SNAPC3: variants seen among roughly 807,000 people sequenced by gnomAD.
The protein encoded by SNAPC3 is small nuclear RNA activating complex polypeptide 3, also known as snRNA-activating protein complex subunit 3.
A neutral mutation model predicts 47.7 loss-of-function variants in SNAPC3; 56 were observed. That is an observed-to-expected ratio of 1.18 (90% CI 0.95 to 1.47). SNAPC3 has a LOEUF of 1.47. Ranked by LOEUF, SNAPC3 falls within the 40% of genes most tolerant of loss-of-function variation. The pLI is 0.00. For synonymous variants in SNAPC3, 235 were observed against 189.9 expected (o/e 1.24, Z -1.95); for missense variants, 665 against 511.3 (o/e 1.30, Z -2.90).
chr9:15,438,798 A>G (rs776362859), intron 3 of SNAPC3, among the ~76,000 whole-genome samples: 1 of 152,108 alleles, frequency 6.6e-6, no homozygotes, highest in Non-Finnish European at 1.5e-5. Flanking sequence ...GTTCACATGC[A>G]CTTGAGAAGA....
At position 15,423,205 on chromosome 9, in the gene SNAPC3, G is replaced by GT. The variant is rs2030812723; in HGVS notation, c.314+12_314+13insT. 1 of 1,570,770 alleles carries GT rather than the reference G, an allele frequency of 6.4e-7. No individual in the cohort carries two copies. Among genetic ancestry groups the GT allele is most frequent in the African/African-American group, 1.4e-5 (1 of 72,806 alleles). ...AGGGCGGTGTGCGGGTGAGTGCGGA[G>GT]CAAAGGGGCTCTTGCAGCTTGGGGT... On this transcript the variant is annotated intron_variant, in intron 1 of 8. Transcript: ENST00000380821.
At chr9:15,441,597 C>G (rs539492474) in intron 3 of SNAPC3, among the ~76,000 whole-genome samples, 3 of 151,634 alleles carry the variant, frequency 2.0e-5, no homozygotes, top group Non-Finnish European at 2.9e-5. Flanking sequence ...GGTGATGACT[C>G]TTAAGGAGCA....
At chr9:15,447,400 C>G (rs2034027273) in intron 5 of SNAPC3, among the ~76,000 whole-genome samples, 156 bp downstream of exon 5, 1 of 152,200 alleles carries the variant, frequency 6.6e-6, no homozygotes, top group Non-Finnish European at 1.5e-5. Context: ...ATCACCGGAA[C>G]TTTTCCAAAG....
rs561644872 is a variant in SNAPC3 at position 15,437,175 on chromosome 9, G to A, written c.477+3539G>A. Reference sequence around the variant, plus strand: ...TGTATACAACCCTTTCACTTCCTTGGTTAAATTTATCCCTAAATATTTTAT... The same window carrying A: ...TGTATACAACCCTTTCACTTCCTTGATTAAATTTATCCCTAAATATTTTAT... On this transcript the variant is annotated intron_variant, in intron 3 of 8. Transcript: ENST00000380821. 2.0e-5 allele frequency among the ~76,000 whole-genome samples: 3 copies of A among 151,304 alleles called. No individual in the cohort carries two copies. The South Asian group carries it at 6.3e-4, about 32-fold the overall frequency.
At chr9:15,439,310 G>A (rs1363905487) in intron 3 of SNAPC3, among the ~76,000 whole-genome samples, 1 of 152,138 alleles carries the variant, frequency 6.6e-6, no homozygotes, top group East Asian at 1.9e-4. Context: ...CTTTATATAA[G>A]TTTATAATTG....
Position 15,461,025 on chromosome 9 carries a change from A to G in SNAPC3, c.*1159A>G, listed in dbSNP as rs1236585377. The G allele has an allele frequency of 6.6e-6, 1 of 152,094 alleles. No individual in the cohort carries two copies. The highest frequency in any genetic ancestry group is 1.5e-5 in the Non-Finnish European group (1 of 68,002). 9.4% of individuals were successfully genotyped at this position (152,094 alleles called of 1,614,324 possible). A position where few individuals can be genotyped will look rare whatever the true frequency, so the allele number is the denominator to read the frequency against. Reference sequence around the variant, plus strand: ...TTCTCCGGTAATGATACTATTGGATATATACCAAAATTATATAAGCAAAAA... The same window carrying G: ...TTCTCCGGTAATGATACTATTGGATGTATACCAAAATTATATAAGCAAAAA... On this transcript the variant is annotated 3_prime_UTR_variant, in exon 9 of 9. Transcript: ENST00000380821.
At chr9:15,432,559 G>C (rs2131785016) in intron 2 of SNAPC3, among the ~76,000 whole-genome samples, 1 of 152,166 alleles carries the variant, frequency 6.6e-6, no homozygotes, top group African/African-American at 2.4e-5. Context: ...AAAAGGAGAG[G>C]ACTTGCTGAA....
At chr9:15,441,761 A>G (rs1216915449) in intron 3 of SNAPC3, among the ~76,000 whole-genome samples, 1 of 152,208 alleles carries the variant, frequency 6.6e-6, no homozygotes, top group Non-Finnish European at 1.5e-5. Context: ...TTTTCTTAGT[A>G]CAGAACAAAA....
At chr9:15,435,844 CTTTTTT>C (rs57744583) in intron 3 of SNAPC3, among the ~76,000 whole-genome samples, 9 of 123,842 alleles carry the variant, frequency 7.3e-5, no homozygotes, top group Non-Finnish European at 1.4e-4. Context: ...ACTTTTCTTT[CTTTTTT>C]TTTTTTTTTT....
chr9:15,425,500 G>C (rs1308705425), intron 2 of SNAPC3, among the ~76,000 whole-genome samples: 1 of 152,164 alleles, frequency 6.6e-6, no homozygotes, highest in Non-Finnish European at 1.5e-5. Flanking sequence ...TTACATGCGT[G>C]AGCCGCCACA....
intron 5 of SNAPC3, among the ~76,000 whole-genome samples, chr9:15,449,551 ATATATATATATATTTTTT>A (rs1470840922): frequency 0.046 from 1,799 of 38,952 alleles, 29 homozygotes; most frequent in African/African-American, 0.15. Context: ...ATATATATAT[ATATATATATATATTTTTT>A]TTTTTTTTTT....
intron 2 of SNAPC3, among the ~76,000 whole-genome samples, chr9:15,430,381 G>A (rs2031984112): frequency 6.6e-6 from 1 of 152,048 alleles, no homozygotes; most frequent in African/African-American, 2.4e-5. Flanking sequence ...GAAGTGAGCC[G>A]TGATTTTACC....
intron 3 of SNAPC3, among the ~76,000 whole-genome samples, chr9:15,434,644 A>C (rs2032572400): frequency 6.6e-6 from 1 of 151,950 alleles, no homozygotes; most frequent in Admixed American, 6.6e-5. Flanking sequence ...GACCTCAAGC[A>C]ATCTGCCTAC....
rs2034377442 is a variant in SNAPC3 at position 15,451,418 on chromosome 9, A to G, written c.815+16A>G. 3.2e-6 allele frequency: 4 copies of G among 1,269,642 alleles called. No individual in the cohort carries two copies. Among genetic ancestry groups the G allele is most frequent in the South Asian group, 1.4e-5 (1 of 69,026 alleles). The allele number at this position is 1,269,642 out of a possible 1,614,324, so 78.6% of individuals were successfully genotyped here. Reference sequence around the variant, plus strand: ...ATTTGAGCAGGTATAGTTTCCAAAAATCTTCTCAAAGTCTTTCCTATTTCT... The same window carrying G: ...ATTTGAGCAGGTATAGTTTCCAAAAGTCTTCTCAAAGTCTTTCCTATTTCT... On this transcript the variant is annotated intron_variant, in intron 6 of 8. Transcript: ENST00000380821.
rs1036662380 is a variant in SNAPC3 at position 15,444,085 on chromosome 9, A to G, written c.478-517A>G. Among the ~76,000 whole-genome samples the G allele has an allele frequency of 7.9e-5, 12 of 152,316 alleles. No individual in the cohort carries two copies. In the South Asian group the frequency reaches 2.3e-3, roughly 29 times the overall value. The stretch of plus-strand genomic sequence containing the variant: ...ACCAGTTCAGCCTGGCCCCTATTTT[A>G]TATTAATTTAGCACACATAAAAGAT... On this transcript the variant is annotated intron_variant, in intron 3 of 8. Coordinates refer to ENST00000380821, the MANE Select transcript of SNAPC3 (RefSeq NM_001039697.2).
chr9:15,446,948 A>G (rs1280787283), intron 4 of SNAPC3, 147 bp from the exon 5 acceptor site: 2 of 737,494 alleles, frequency 2.7e-6, no homozygotes, highest in Non-Finnish European at 4.6e-6. Flanking sequence ...CCCTATAATT[A>G]TTGGATGTGA....
downstream of SNAPC3, chr9:15,465,583 G>A (rs2035565978): frequency 6.4e-7 from 1 of 1,572,984 alleles, no homozygotes; most frequent in Non-Finnish European, 8.7e-7. Context: ...TGGATGGCCT[G>A]AAGAAAAGGG....
chr9:15,429,779 T>A (rs193169652), intron 2 of SNAPC3, among the ~76,000 whole-genome samples: 2 of 152,252 alleles, frequency 1.3e-5, no homozygotes, highest in East Asian at 3.9e-4. Flanking sequence ...AATACATTAG[T>A]CTTAAGCAAC....
At chr9:15,465,314 T>A (rs2035542119), downstream of SNAPC3, 2 of 476,804 alleles carry the variant, frequency 4.2e-6, no homozygotes, top group Non-Finnish European at 3.6e-6. Flanking sequence ...TTATCCCACA[T>A]TTACTGTATA....
Sources: gnomAD v4.1 joint callset for allele counts (sites outside exome capture counted in the v4.1 genomes callset) on GRCh38, gnomAD v4.1.1 for gene constraint, MANE v1.5 for transcripts, NCBI Gene and HGNC (gene_info 2026-07-23, HGNC 2026-07-21) for gene names.